GPR173: variants seen among roughly 807,000 people sequenced by gnomAD.
GPR173 encodes the protein G protein-coupled receptor 173.
GPR173 carries 2 observed loss-of-function variants against 13.9 expected under a neutral mutation model. The observed-to-expected ratio is 0.14, with a 90% CI of 0.06 to 0.45. The LOEUF (loss-of-function observed/expected upper bound fraction) is 0.45, where lower values mean the gene tolerates loss of function less well. Among genes scored for constraint, GPR173 ranks in the 20% least tolerant of loss-of-function variants. GPR173 has a pLI of 0.98. For synonymous variants in GPR173, 131 were observed against 141.0 expected, an observed-to-expected ratio of 0.93 and a Z score of 0.50; for missense variants, 202 against 340.5, an observed-to-expected ratio of 0.59 and a Z score of 3.20.
intron 1 of GPR173, among the ~76,000 whole-genome samples, chrX:53,058,012 C>G (rs1317045663): frequency 8.9e-6 from 1 of 112,090 alleles, no homozygotes; most frequent in African/African-American, 3.2e-5. Flanking sequence ...TGAGCATATC[C>G]TATGTGTATC....
At chrX:53,057,749 C>T (rs992033558) in intron 1 of GPR173, among the ~76,000 whole-genome samples, 8 of 108,218 alleles carry the variant, frequency 7.4e-5, no homozygotes, top group South Asian at 4.0e-4. Context: ...AGTGAAACTC[C>T]GTCTCAAAAA....
chrX:53,071,810 C>T (rs1171712735), intron 1 of GPR173, among the ~76,000 whole-genome samples: 1 of 112,150 alleles, frequency 8.9e-6, no homozygotes, highest in Non-Finnish European at 1.9e-5. Flanking sequence ...ACCTCTGCCT[C>T]CGTGTGCGTG....
At position 53,079,589 on chromosome X, in the gene GPR173, CTGTG is replaced by C. The variant is rs111320267; in HGVS notation, c.*1859_*1862del. On this transcript the variant is annotated 3_prime_UTR_variant, in exon 2 of 2. Transcript: ENST00000332582. ...TATACTGGATGTTTTCTCTTTCTGA[CTGTG>C]TGTGTGTGTGTGCGTGCGTGCGTGC... The C allele has an allele frequency of 6.0e-5, 7 of 117,360 alleles. No individual in the cohort carries two copies. The highest frequency in any genetic ancestry group is 3.8e-4 in the South Asian group (1 of 2,601). The allele number at this position is 117,360 out of a possible 1,213,427, so 9.7% of individuals were successfully genotyped here. A position where few individuals can be genotyped will look rare whatever the true frequency, so the allele number is the denominator to read the frequency against.
At chrX:53,050,706 T>C (rs910969225) in intron 1 of GPR173, among the ~76,000 whole-genome samples, 4 of 112,170 alleles carry the variant, frequency 3.6e-5, no homozygotes, top group Admixed American at 9.4e-5. Flanking sequence ...GTGTTATCGA[T>C]TACTTGGAGG....
In GPR173 at chrX:53,078,879, C is replaced by A. The variant is rs1556806254; in HGVS notation, c.*1136C>A. ...TCCTATCTGACCTCTTTTTGTCCCC[C>A]TCAAGCCTCAGGGGCCTCAAGCCCC... On this transcript the variant is annotated 3_prime_UTR_variant, in exon 2 of 2. Transcript: ENST00000332582. 1 of 123,291 alleles carries A rather than the reference C, an allele frequency of 8.1e-6. No homozygotes were observed. The highest frequency in any genetic ancestry group is 2.8e-4 in the East Asian group (1 of 3,565). The allele number at this position is 123,291 out of a possible 1,213,427, so 10.2% of individuals were successfully genotyped here.
intron 1 of GPR173, chrX:53,065,690 G>A (rs1932175883): frequency 8.9e-6 from 1 of 112,178 alleles, no homozygotes; most frequent in Non-Finnish European, 1.9e-5. Flanking sequence ...CTCGTTTCTC[G>A]ACAAATATTC....
intron 1 of GPR173, among the ~76,000 whole-genome samples, chrX:53,051,719 GT>G (rs782574131): frequency 2.7e-5 from 3 of 111,424 alleles, no homozygotes; most frequent in Non-Finnish European, 5.6e-5. Context: ...TGTGGCATCA[GT>G]TTTTCTTTGA....
intron 1 of GPR173, among the ~76,000 whole-genome samples, chrX:53,070,684 A>G (rs911221375): frequency 1.7e-4 from 19 of 109,554 alleles, no homozygotes; most frequent in African/African-American, 6.3e-4. Context: ...GAGTTTCACC[A>G]TGTTGGCCAG....
At position 53,076,665 on chromosome X, in the gene GPR173, T is replaced by C. The variant is rs1932438295; in HGVS notation, c.44T>C (p.Leu15Pro). 1 of 1,202,911 alleles carries C rather than the reference T, an allele frequency of 8.3e-7. No individual in the cohort carries two copies. Among genetic ancestry groups the C allele is most frequent in the Non-Finnish European group, 1.1e-6 (1 of 889,572 alleles). The change falls in exon 2 of 2, where the codon CTG becomes CCG. Residue 15 changes from leucine to proline, a missense_variant. By Grantham distance (98) the Leu-to-Pro change is moderately conservative. Coordinates refer to ENST00000332582, the MANE Select transcript of GPR173 (RefSeq NM_018969.6). ...TGEPEEVSGA[L>P]SPPSASAYVK... ...GAGCCTGAGGAGGTGAGCGGCGCTC[T>C]GTCCCCACCGTCCGCATCAGCTTAT... is the stretch of plus-strand genomic sequence containing the variant.
chrX:53,055,887 G>A (rs1229313309), intron 1 of GPR173, among the ~76,000 whole-genome samples: 25 of 86,921 alleles, frequency 2.9e-4, no homozygotes, highest in Non-Finnish European at 8.4e-5. Flanking sequence ...GGCTGTATTT[G>A]GAGTGTGTGT....
At chrX:53,056,109 T>C (rs1485626197) in intron 1 of GPR173, among the ~76,000 whole-genome samples, 1 of 109,272 alleles carries the variant, frequency 9.2e-6, no homozygotes, top group Non-Finnish European at 1.9e-5. Flanking sequence ...GTATGAGGGC[T>C]CTGAGTTGGG....
At chrX:53,068,378 A>G (rs1932214083) in intron 1 of GPR173, among the ~76,000 whole-genome samples, 1 of 111,846 alleles carries the variant, frequency 8.9e-6, no homozygotes, top group Non-Finnish European at 1.9e-5. Context: ...CATAGCAACA[A>G]TCATACAATG....
At chrX:53,060,671 C>CA (rs1381967182) in intron 1 of GPR173, among the ~76,000 whole-genome samples, 1 of 107,527 alleles carries the variant, frequency 9.3e-6, no homozygotes, top group African/African-American at 3.4e-5. Flanking sequence ...GGCACCCCTA[C>CA]AGCCCTTCAC....
chrX:53,073,763 T>A (rs1195906066), intron 1 of GPR173, among the ~76,000 whole-genome samples: 1 of 85,936 alleles, frequency 1.2e-5, no homozygotes, highest in Non-Finnish European at 2.2e-5. Context: ...TAAAAGTAAA[T>A]TATATATATA....
rs1338684098 is a variant in GPR173, at chrX:53,080,451, C to T, written c.*2708C>T. On this transcript the variant is annotated 3_prime_UTR_variant, in exon 2 of 2. Coordinates refer to ENST00000332582, the MANE Select transcript of GPR173 (RefSeq NM_018969.6). ...GTTTTGTCCCCTTCATCACCCATTC[C>T]TGATCCCATCCTCCCCGCCCCCTAC... The T allele has an allele frequency of 1.7e-5, 2 of 121,103 alleles. No individual in the cohort carries two copies. Among genetic ancestry groups the T allele is most frequent in the African/African-American group, 6.7e-5 (2 of 30,030 alleles). The allele number at this position is 121,103 out of a possible 1,213,427, so 10.0% of individuals were successfully genotyped here.
chrX:53,066,160 G>A (rs1345985580), intron 1 of GPR173, among the ~76,000 whole-genome samples: 1 of 111,544 alleles, frequency 9.0e-6, no homozygotes, highest in African/African-American at 3.3e-5. Context: ...TTCATTTTGT[G>A]TATCTTAAAA....
At chrX:53,070,159 G>T (rs1295742151) in intron 1 of GPR173, among the ~76,000 whole-genome samples, 1 of 111,720 alleles carries the variant, frequency 9.0e-6, no homozygotes, top group African/African-American at 3.3e-5. Flanking sequence ...TGTTGTGTCT[G>T]AATATGTGGG....
chrX:53,077,107 G>A lies in GPR173; in HGVS notation c.486G>A (p.Val162=). The part of the protein sequence containing the change: ...VAMAFPPVFD[V]GTYKFIREED... ...TGGCCTTCCCACCTGTCTTTGACGT[G>A]GGCACCTACAAGTTTATTCGGGAGG... The change falls in exon 2 of 2, where the codon GTG becomes GTA. Residue 162 remains valine, a synonymous_variant. Coordinates refer to ENST00000332582, the MANE Select transcript of GPR173 (RefSeq NM_018969.6). The A allele has an allele frequency of 8.3e-7, 1 of 1,210,522 alleles. No individual in the cohort carries two copies. Among genetic ancestry groups the A allele is most frequent in the Non-Finnish European group, 1.1e-6 (1 of 894,585 alleles).
In GPR173 at chrX:53,077,048, G is replaced by C; in HGVS notation, c.427G>C (p.Val143Leu). 8.3e-7 allele frequency: 1 copy of C among 1,209,564 alleles called. No individual in the cohort carries two copies. Reference protein sequence around the residue: ...KRMTLWTCAAVICMAWTLSVA... With the variant: ...KRMTLWTCAALICMAWTLSVA... The stretch of plus-strand genomic sequence containing the variant: ...CATGACACTCTGGACATGCGCGGCT[G>C]TCATCTGCATGGCCTGGACCCTGTC... The change falls in exon 2 of 2, where the codon GTC (valine) becomes CTC (leucine). Residue 143 changes from valine to leucine, a missense_variant. Val to Leu is a conservative substitution (Grantham distance 32). Around this residue, in one of 3 missense-constraint regions of GPR173, gnomAD observed 98 missense variants for 137.2 expected, o/e 0.71. Coordinates refer to ENST00000332582, the MANE Select transcript of GPR173 (RefSeq NM_018969.6).
Sources: gnomAD v4.1 joint callset for allele counts (sites outside exome capture counted in the v4.1 genomes callset) on GRCh38, gnomAD v4.1.1 for gene constraint, gnomAD v4.1.1 regional missense constraint, MANE v1.5 for transcripts, NCBI Gene and HGNC (gene_info 2026-07-23, HGNC 2026-07-21) for gene names.